MTHFD1: variants seen among roughly 807,000 people sequenced by gnomAD.
The protein encoded by MTHFD1 is C-1-tetrahydrofolate synthase, cytoplasmic.
MTHFD1 carries 44 observed loss-of-function variants against 110.3 expected under a neutral mutation model. That is an observed-to-expected ratio of 0.40 (90% confidence interval 0.31 to 0.51). MTHFD1 has a LOEUF of 0.51. Among genes scored for constraint, MTHFD1 ranks in the 20% least tolerant of loss-of-function variants. MTHFD1 has a pLI of 0.60. For synonymous variants in MTHFD1, 402 were observed against 428.8 expected, an observed-to-expected ratio of 0.94 and a Z score of 0.77; for missense variants, 909 against 1,173.1, an observed-to-expected ratio of 0.77 and a Z score of 3.29.
chr14:64,433,746 G>A, intron 15 of MTHFD1, among the ~76,000 whole-genome samples: 1 of 144,530 alleles, frequency 6.9e-6, no homozygotes, highest in Non-Finnish European at 1.5e-5. Flanking sequence ...TAAGAGATGA[G>A]GAGGCCAGGC....
rs748206731 is a variant in MTHFD1, at chr14:64,417,466, C to A, written c.479-422C>A. Among the ~76,000 whole-genome samples the A allele has an allele frequency of 6.6e-6, 1 of 152,152 alleles. No homozygotes were observed. The highest frequency in any genetic ancestry group is 2.1e-4 in the South Asian group (1 of 4,834). Reference sequence around the variant, plus strand: ...ACTTACCAAAGTTAGAAGGAATTACCGATACTAATCTAATTTCTTACACAT... The same window carrying A: ...ACTTACCAAAGTTAGAAGGAATTACAGATACTAATCTAATTTCTTACACAT... On this transcript the variant is annotated intron_variant, in intron 6 of 27. Transcript: ENST00000652337. The surrounding 1 kb of genome is among the most constrained non-coding windows in gnomAD (Gnocchi z 4.4).
intron 16 of MTHFD1, among the ~76,000 whole-genome samples, chr14:64,436,614 A>G (rs2078207928): frequency 1.3e-5 from 2 of 152,208 alleles, no homozygotes; most frequent in Admixed American, 6.5e-5. Context: ...TCATCCACTC[A>G]TGCAGAATAG....
At chr14:64,406,034 T>A (rs57486119) in intron 2 of MTHFD1, among the ~76,000 whole-genome samples, 15,036 of 137,216 alleles carry the variant, frequency 0.11, 846 homozygotes, top group African/African-American at 0.15. Flanking sequence ...TAATAATAAT[T>A]ATTATTATTA....
intron 15 of MTHFD1, among the ~76,000 whole-genome samples, 171 bp from the exon 16 acceptor site, chr14:64,435,398 T>C (rs2295639): frequency 0.062 from 9,445 of 152,262 alleles, 516 homozygotes; most frequent in African/African-American, 0.16. Flanking sequence ...TGTCTTTCTT[T>C]AGGCTGACAG....
chr14:64,429,791 T>C (rs568395204), intron 12 of MTHFD1, among the ~76,000 whole-genome samples: 11 of 152,358 alleles, frequency 7.2e-5, no homozygotes, highest in Non-Finnish European at 1.3e-4. Context: ...TATTTATCTC[T>C]ATTTAGGAAA....
At chr14:64,423,481 G>A (rs542753449) in intron 8 of MTHFD1, among the ~76,000 whole-genome samples, 46 of 151,266 alleles carry the variant, frequency 3.0e-4, no homozygotes, top group Non-Finnish European at 5.7e-4. Context: ...TGCAGCCTCC[G>A]CCTCCCGGGT....
rs141580387 is a variant in MTHFD1 at position 64,456,287 on chromosome 14, C to T, written c.2718+1412C>T. On this transcript the variant is annotated intron_variant, in intron 26 of 27. Coordinates refer to ENST00000652337, the MANE Select transcript of MTHFD1 (RefSeq NM_005956.4). Reference sequence around the variant, plus strand: ...TAAGTTGGACCAAGGCGTTTCCACACATGATCAAATGGTTTAATCACTATT... The same window carrying T: ...TAAGTTGGACCAAGGCGTTTCCACATATGATCAAATGGTTTAATCACTATT... Among the ~76,000 whole-genome samples, 7 of 152,318 alleles carry T rather than the reference C, an allele frequency of 4.6e-5. 1 individual carries two copies. In the East Asian group the frequency reaches 1.3e-3, roughly 29 times the overall value.
At chr14:64,421,402 G>A (rs963831265) in intron 8 of MTHFD1, among the ~76,000 whole-genome samples, 2 of 152,112 alleles carry the variant, frequency 1.3e-5, no homozygotes, top group African/African-American at 4.8e-5. Context: ...TGTAGACGCT[G>A]AGCTGCCAGG....
At chr14:64,455,907 C>A (rs1428432376) in intron 26 of MTHFD1, among the ~76,000 whole-genome samples, 3 of 152,212 alleles carry the variant, frequency 2.0e-5, no homozygotes, top group Non-Finnish European at 4.4e-5. Context: ...CCTTAGCTCT[C>A]TATAGAGAGC....
At chr14:64,416,974 G>GA (rs150373495) in intron 6 of MTHFD1, among the ~76,000 whole-genome samples, 8,029 of 151,856 alleles carry the variant, frequency 0.053, 254 homozygotes, top group Non-Finnish European at 0.071. Context: ...ATCTTTTTCT[G>GA]AAAAAAAATG....
intron 2 of MTHFD1, among the ~76,000 whole-genome samples, chr14:64,404,342 G>T (rs2077921781): frequency 6.6e-6 from 1 of 152,248 alleles, no homozygotes; most frequent in Admixed American, 6.5e-5. Flanking sequence ...TCACCCTTGA[G>T]ATCTCTTCCC....
chr14:64,392,559 G>A (rs933399701), intron 1 of MTHFD1, among the ~76,000 whole-genome samples: 2 of 152,174 alleles, frequency 1.3e-5, no homozygotes, highest in African/African-American at 2.4e-5. Flanking sequence ...AGTAGGTGCT[G>A]CGAGTGTTTG....
chr14:64,439,150 C>A lies in MTHFD1; in HGVS notation c.1652C>A (p.Thr551Lys), dbSNP rs375439399. 1.2e-6 allele frequency: 2 copies of A among 1,613,896 alleles called. No homozygotes were observed. The highest frequency in any genetic ancestry group is 1.1e-5 in the South Asian group (1 of 91,076). ...AAGATCACGATTGGACAGGCTCCAA[C>A]GGAGAAGGGTCACACACGGACGGTA... Reference protein sequence around the residue: ...LRKITIGQAPTEKGHTRTAQF... With the variant: ...LRKITIGQAPKEKGHTRTAQF... Residue 551 changes from threonine (T) to lysine (K), a missense_variant, in exon 17 of 28, where the codon ACG (threonine) becomes AAG (lysine). This residue lies in a region of MTHFD1 where 482 missense variants were observed against 646.0 expected (regional missense o/e 0.75). Transcript: ENST00000652337.
At chr14:64,421,853 C>T (rs1422364740) in intron 8 of MTHFD1, among the ~76,000 whole-genome samples, 1 of 152,108 alleles carries the variant, frequency 6.6e-6, no homozygotes, top group East Asian at 1.9e-4. Context: ...TCTCGATCTC[C>T]TGACCTCGTG....
At chr14:64,440,875 A>T (rs2078241827) in intron 18 of MTHFD1, 1 of 247,066 alleles carries the variant, frequency 4.0e-6, no homozygotes, top group African/African-American at 2.3e-5. Flanking sequence ...CAGATATTAC[A>T]TGTGAATGTC....
chr14:64,446,705 C>G (rs2078291637), intron 22 of MTHFD1, among the ~76,000 whole-genome samples: 1 of 152,094 alleles, frequency 6.6e-6, no homozygotes, highest in Non-Finnish European at 1.5e-5. Context: ...TCATGTCCGG[C>G]TAATTTTTTT....
rs1313485245 is a variant in MTHFD1, at chr14:64,415,442, A to G, written c.325A>G (p.Ile109Val). The G allele has an allele frequency of 1.9e-6, 3 of 1,613,998 alleles. No homozygotes were observed. The highest frequency in any genetic ancestry group is 1.1e-5 in the South Asian group (1 of 91,080). Reference sequence around the variant, plus strand: ...GCTACCTTTAGATTCAGAGAATTCCATTAACACTGAAGAAGTGATCAATGC... The same window carrying G: ...GCTACCTTTAGATTCAGAGAATTCCGTTAACACTGAAGAAGTGATCAATGC... The part of the protein sequence containing the change: ...VQLPLDSENS[I>V]NTEEVINAIA... Residue 109 changes from isoleucine to valine, a missense_variant, in exon 5 of 28, where the codon ATT becomes GTT. Transcript: ENST00000652337.
intron 2 of MTHFD1, among the ~76,000 whole-genome samples, chr14:64,402,893 T>C (rs2077909576): frequency 1.3e-5 from 2 of 152,126 alleles, no homozygotes; most frequent in Admixed American, 1.3e-4. Flanking sequence ...CAGAAGTGCA[T>C]TATGAGTGCT....
In MTHFD1 at chr14:64,415,762, CA is replaced by C. The variant is rs772636662; in HGVS notation, c.478+25del. 5.0e-6 allele frequency: 8 copies of C among 1,609,830 alleles called. No individual in the cohort carries two copies. In the South Asian group the frequency reaches 8.8e-5, roughly 18 times the overall value. On this transcript the variant is annotated intron_variant, in intron 6 of 27. Coordinates refer to ENST00000652337, the MANE Select transcript of MTHFD1 (RefSeq NM_005956.4). ...CAGGTAAAAACAACAAACCAAACAACAAGAAAGCACCATTTCCTGAATCCTG... is the reference window on the plus strand; with the variant it reads ...CAGGTAAAAACAACAAACCAAACAACAGAAAGCACCATTTCCTGAATCCTG...
Sources: allele counts gnomAD v4.1 joint callset (sites outside exome capture counted in the v4.1 genomes callset), GRCh38; gene constraint gnomAD v4.1.1; regional missense constraint gnomAD v4.1.1; non-coding constraint Gnocchi (gnomAD v3.1); transcripts MANE v1.5; gene names NCBI Gene and HGNC (gene_info 2026-07-23, HGNC 2026-07-21).